TFDP2: variants seen among roughly 807,000 people sequenced by gnomAD.
The protein encoded by TFDP2 is transcription factor Dp-2 (E2F dimerization partner 2).
A neutral mutation model predicts 59.3 loss-of-function variants in TFDP2; 17 were observed. The ratio of observed to expected loss-of-function variants is 0.29; its 90% CI spans 0.20 to 0.43. The LOEUF (loss-of-function observed/expected upper bound fraction) is 0.43, where lower values mean the gene tolerates loss of function less well. TFDP2 is among the 20% of genes least tolerant of loss of function. TFDP2 has a pLI of 1.00. For missense variants in TFDP2, 391 were observed against 528.8 expected, an observed-to-expected ratio of 0.74 and a Z score of 2.56; for synonymous variants, 180 against 194.7, an observed-to-expected ratio of 0.92 and a Z score of 0.63.
intron 1 of TFDP2, among the ~76,000 whole-genome samples, chr3:142,123,245 C>G (rs1251673746): frequency 6.6e-6 from 1 of 152,204 alleles, no homozygotes; most frequent in Non-Finnish European, 1.5e-5. Flanking sequence ...AGTGATTCTC[C>G]TGCCTCAGCC....
At chr3:142,030,734 G>A (rs1362934887) in intron 3 of TFDP2, among the ~76,000 whole-genome samples, 2 of 138,120 alleles carry the variant, frequency 1.4e-5, no homozygotes, top group Non-Finnish European at 1.5e-5. Flanking sequence ...GTATATTCCC[G>A]TGTTCTCTTT....
At chr3:142,061,641 A>C (rs2059915594) in intron 3 of TFDP2, among the ~76,000 whole-genome samples, 1 of 152,062 alleles carries the variant, frequency 6.6e-6, no homozygotes, top group African/African-American at 2.4e-5. Context: ...AAATTGGCAC[A>C]CTGGTTCTGA....
intron 7 of TFDP2, 49 bp from the exon 8 acceptor site, chr3:141,974,240 C>A: frequency 2.7e-6 from 4 of 1,480,404 alleles, no homozygotes; most frequent in East Asian, 2.4e-5. Context: ...GGTTAAGATA[C>A]AGTCACATGA....
intron 8 of TFDP2, among the ~76,000 whole-genome samples, chr3:141,973,158 C>T (rs908099597): frequency 2.1e-5 from 3 of 140,838 alleles, no homozygotes; most frequent in Non-Finnish European, 4.6e-5. Flanking sequence ...TTGCTCTTGT[C>T]GCCTAGGCTG....
At chr3:142,073,731 T>G (rs895323097) in intron 3 of TFDP2, among the ~76,000 whole-genome samples, 1 of 152,180 alleles carries the variant, frequency 6.6e-6, no homozygotes, top group Non-Finnish European at 1.5e-5. Context: ...CTTTTGAAAG[T>G]AGGTTTTAGT....
chr3:142,018,343 A>G (rs1479431262), intron 3 of TFDP2, among the ~76,000 whole-genome samples: 2 of 152,224 alleles, frequency 1.3e-5, no homozygotes, highest in African/African-American at 4.8e-5. Context: ...TATTACATAT[A>G]CTACTGCAAT....
intron 1 of TFDP2, 37 bp from the exon 2 acceptor site, chr3:142,101,878 A>G: frequency 4.1e-6 from 2 of 485,854 alleles, no homozygotes; most frequent in East Asian, 6.0e-5. Flanking sequence ...TAATGTAATA[A>G]TAATAATAGG....
At chr3:142,016,381 C>T (rs1176137323) in intron 3 of TFDP2, among the ~76,000 whole-genome samples, 1 of 151,160 alleles carries the variant, frequency 6.6e-6, no homozygotes, top group African/African-American at 2.4e-5. Context: ...TCACTGCAAC[C>T]TCCACCTCCT....
At chr3:142,066,067 T>C (rs1055228558) in intron 3 of TFDP2, among the ~76,000 whole-genome samples, 2 of 152,206 alleles carry the variant, frequency 1.3e-5, no homozygotes, top group African/African-American at 2.4e-5. Context: ...AACTTTATCT[T>C]ACTCTCATCA....
At chr3:141,968,058 T>C (rs1344383227) in intron 9 of TFDP2, among the ~76,000 whole-genome samples, 1 of 151,688 alleles carries the variant, frequency 6.6e-6, no homozygotes, top group Non-Finnish European at 1.5e-5. Context: ...TAGGGGATAC[T>C]GCAGATAACT....
At chr3:142,015,536 G>T (rs995369900) in intron 3 of TFDP2, among the ~76,000 whole-genome samples, 1 of 152,114 alleles carries the variant, frequency 6.6e-6, no homozygotes, top group Admixed American at 6.5e-5. Flanking sequence ...CATAAGTCCC[G>T]CAAGCTGGAT....
At chr3:142,080,849 T>C (rs973261270) in intron 3 of TFDP2, among the ~76,000 whole-genome samples, 1 of 152,182 alleles carries the variant, frequency 6.6e-6, no homozygotes, top group Non-Finnish European at 1.5e-5. Context: ...CAAATATTAC[T>C]GCTAAACAGA....
intron 3 of TFDP2, among the ~76,000 whole-genome samples, chr3:142,078,635 C>T (rs1031593248): frequency 6.6e-6 from 1 of 152,174 alleles, no homozygotes; most frequent in African/African-American, 2.4e-5. Flanking sequence ...AATCACAACA[C>T]CCAAGTCCCT....
At chr3:142,127,302 G>A (rs930391676) in intron 1 of TFDP2, among the ~76,000 whole-genome samples, 3 of 133,066 alleles carry the variant, frequency 2.3e-5, no homozygotes, top group Middle Eastern at 4.4e-3. Context: ...ACTACACTCC[G>A]CTTTTTTTTT....
At chr3:141,973,106 TATATATA>T (rs1940025264) in intron 8 of TFDP2, among the ~76,000 whole-genome samples, 8 of 107,832 alleles carry the variant, frequency 7.4e-5, no homozygotes, top group Admixed American at 3.9e-4. Flanking sequence ...TATATATATA[TATATATA>T]TATATATATA....
chr3:141,966,848 A>T (rs1483136785), intron 9 of TFDP2, among the ~76,000 whole-genome samples: 1 of 148,456 alleles, frequency 6.7e-6, no homozygotes, highest in African/African-American at 2.5e-5. Context: ...ATGTGACATG[A>T]GTGAGTTGTG....
intron 1 of TFDP2, among the ~76,000 whole-genome samples, chr3:142,107,262 TG>T (rs2061505439): frequency 6.6e-6 from 1 of 151,642 alleles, no homozygotes; most frequent in Non-Finnish European, 1.5e-5. Flanking sequence ...GACGGAGTCT[TG>T]CTCTGTCACC....
At chr3:142,012,206 G>C (rs967598303) in intron 3 of TFDP2, among the ~76,000 whole-genome samples, 2 of 151,964 alleles carry the variant, frequency 1.3e-5, no homozygotes, top group Non-Finnish European at 2.9e-5. Context: ...TAGAGACGGG[G>C]TTTCACTGTG....
chr3:141,973,093 G>GTATATATATATATATATATATA (rs1553761666), intron 8 of TFDP2, among the ~76,000 whole-genome samples: 3 of 103,168 alleles, frequency 2.9e-5, no homozygotes, highest in Non-Finnish European at 5.8e-5. Context: ...AAAGCTATGT[G>GTATATATATATATATATATATA]TATATATATA....
Sources: gnomAD v4.1 joint callset for allele counts (sites outside exome capture counted in the v4.1 genomes callset) on GRCh38, gnomAD v4.1.1 for gene constraint, MANE v1.5 for transcripts, NCBI Gene and HGNC (gene_info 2026-07-23, HGNC 2026-07-21) for gene names.